The following SPOCK1 variants were observed in gnomAD, a reference collection of about 807,000 sequenced individuals.
The protein encoded by SPOCK1 is SPARC (osteonectin), cwcv and kazal like domains proteoglycan 1.
Under a neutral mutation model 55.3 loss-of-function variants are expected in SPOCK1, and 23 were observed. The ratio of observed to expected loss-of-function variants is 0.42; its 90% CI spans 0.30 to 0.59. The LOEUF (loss-of-function observed/expected upper bound fraction) is 0.59, where lower values mean the gene tolerates loss of function less well. Among genes scored for constraint, SPOCK1 ranks in the 20% least tolerant of loss-of-function variants. The pLI is 0.22. For synonymous variants in SPOCK1, 226 were observed against 221.0 expected (o/e 1.02, Z -0.20); for missense variants, 499 against 552.5 (o/e 0.90, Z 0.97).
At chr5:136,982,734 G>A (rs969468715) in intron 9 of SPOCK1, among the ~76,000 whole-genome samples, 3 of 151,904 alleles carry the variant, frequency 2.0e-5, no homozygotes, top group Non-Finnish European at 2.9e-5. Flanking sequence ...TAGCAGAATT[G>A]TCATTTCTTT....
intron 6 of SPOCK1, among the ~76,000 whole-genome samples, chr5:137,035,139 G>A (rs186203540): frequency 5.1e-4 from 78 of 152,310 alleles, no homozygotes; most frequent in Admixed American, 2.0e-3. Context: ...ATTTAAATCA[G>A]GCCAAATTAG....
chr5:137,024,608 GT>G (rs967580619), intron 6 of SPOCK1, among the ~76,000 whole-genome samples: 1 of 137,696 alleles, frequency 7.3e-6, no homozygotes, highest in African/African-American at 2.7e-5. Flanking sequence ...CATCTGACAT[GT>G]AAAAAAAAAA....
At position 137,087,569 on chromosome 5, in the gene SPOCK1, A is replaced by G. The variant is rs1009211169; in HGVS notation, c.475-19740T>C. On this transcript the variant is annotated intron_variant, in intron 5 of 10. Transcript: ENST00000394945. The stretch of plus-strand genomic sequence containing the variant: ...GTCTCTCACTCTCAAAAATCCTGCA[A>G]CCTGGGGCCTCTGCATGGCAGGGAG... Among the ~76,000 whole-genome samples, 4 of 152,152 alleles carry G rather than the reference A, an allele frequency of 2.6e-5. No homozygotes were observed. In the East Asian group the frequency reaches 5.8e-4, roughly 22 times the overall value.
intron 3 of SPOCK1, among the ~76,000 whole-genome samples, chr5:137,262,710 C>G (rs1756770156): frequency 6.6e-6 from 1 of 152,134 alleles, no homozygotes; most frequent in African/African-American, 2.4e-5. Flanking sequence ...AGTACGATGC[C>G]CCAACACTAG....
chr5:137,360,432 T>C lies in SPOCK1; in HGVS notation c.187-93377A>G, dbSNP rs1750916530. Among the ~76,000 whole-genome samples, 3 of 152,208 alleles carry C rather than the reference T, an allele frequency of 2.0e-5. No homozygotes were observed. The South Asian group carries it at 6.2e-4, about 31-fold the overall frequency. ...GACAGGATCCGGGATCTCACAACAG[T>C]GCTGCTGAACCTTCAAAAGGCAAGA... On this transcript the variant is annotated intron_variant, in intron 2 of 10. Transcript: ENST00000394945.
intron 2 of SPOCK1, among the ~76,000 whole-genome samples, chr5:137,443,104 A>G (rs1468305088): frequency 2.6e-5 from 4 of 151,048 alleles, no homozygotes; most frequent in South Asian, 2.1e-4. Context: ...GGCTTTGGGG[A>G]AAAAGAAAAC....
chr5:137,160,670 A>C, intron 3 of SPOCK1, among the ~76,000 whole-genome samples: 1 of 114,814 alleles, frequency 8.7e-6, no homozygotes, highest in African/African-American at 3.3e-5. Flanking sequence ...AATATATAAT[A>C]TATAATATAT....
At chr5:137,003,917 A>C (rs1751194105) in intron 6 of SPOCK1, among the ~76,000 whole-genome samples, 1 of 152,176 alleles carries the variant, frequency 6.6e-6, no homozygotes, top group Non-Finnish European at 1.5e-5. Context: ...GGAGGAGAAC[A>C]CTGGTACACT....
At chr5:137,096,006 C>T (rs906501532) in intron 5 of SPOCK1, among the ~76,000 whole-genome samples, 8 of 152,106 alleles carry the variant, frequency 5.3e-5, no homozygotes, top group Non-Finnish European at 1.0e-4. Flanking sequence ...AGGAGGGAGC[C>T]TCCCTCATTG....
chr5:137,213,043 T>A (rs1410819577), intron 3 of SPOCK1, among the ~76,000 whole-genome samples: 2 of 152,076 alleles, frequency 1.3e-5, no homozygotes, highest in African/African-American at 4.8e-5. Flanking sequence ...TCACTGTGGA[T>A]CCTTTCAGGA....
intron 3 of SPOCK1, among the ~76,000 whole-genome samples, chr5:137,164,310 C>G (rs970680105): frequency 3.3e-5 from 5 of 152,120 alleles, no homozygotes; most frequent in Non-Finnish European, 5.9e-5. Context: ...CAGGCTGTAG[C>G]TCTTGGACGA....
chr5:137,445,521 A>C (rs995866205), intron 2 of SPOCK1, among the ~76,000 whole-genome samples: 1 of 152,210 alleles, frequency 6.6e-6, no homozygotes, highest in Admixed American at 6.5e-5. Flanking sequence ...AAGGTCCCTG[A>C]AGAGTATCAT....
intron 3 of SPOCK1, among the ~76,000 whole-genome samples, chr5:137,161,310 A>G (rs940325288): frequency 1.3e-5 from 2 of 151,712 alleles, no homozygotes; most frequent in Non-Finnish European, 2.9e-5. Flanking sequence ...ATATATATAT[A>G]TGGGATATGG....
chr5:137,044,112 C>A (rs948801652), intron 6 of SPOCK1, among the ~76,000 whole-genome samples: 1 of 152,060 alleles, frequency 6.6e-6, no homozygotes, highest in Non-Finnish European at 1.5e-5. Flanking sequence ...TTATTGGACA[C>A]CAGTTGCTGA....
chr5:136,997,684 C>T (rs1241011721), intron 6 of SPOCK1, among the ~76,000 whole-genome samples: 2 of 152,220 alleles, frequency 1.3e-5, no homozygotes, highest in African/African-American at 2.4e-5. Context: ...CACTGCCTTG[C>T]TAATGCCAAT....
chr5:137,231,420 TG>T (rs1437875297), intron 3 of SPOCK1, among the ~76,000 whole-genome samples: 30 of 152,216 alleles, frequency 2.0e-4, no homozygotes, highest in Admixed American at 1.9e-3. Context: ...CCCTAACCCC[TG>T]GCAACTATCA....
intron 3 of SPOCK1, among the ~76,000 whole-genome samples, chr5:137,250,910 A>G (rs1756512045): frequency 6.6e-6 from 1 of 152,202 alleles, no homozygotes; most frequent in Non-Finnish European, 1.5e-5. Flanking sequence ...CAACACTCCT[A>G]TTCTACAGAC....
intron 3 of SPOCK1, among the ~76,000 whole-genome samples, chr5:137,217,168 GA>G (rs766514533): frequency 6.6e-6 from 1 of 152,158 alleles, no homozygotes; most frequent in African/African-American, 2.4e-5. Flanking sequence ...TCATGTACTG[GA>G]GTCTCTTTTC....
At chr5:137,037,269 C>A (rs558607511) in intron 6 of SPOCK1, among the ~76,000 whole-genome samples, 1 of 151,226 alleles carries the variant, frequency 6.6e-6, no homozygotes, top group Non-Finnish European at 1.5e-5. Context: ...TCTTACTAGA[C>A]GGGAATAGGT....
Sources: allele counts gnomAD v4.1 joint callset (sites outside exome capture counted in the v4.1 genomes callset), GRCh38; gene constraint gnomAD v4.1.1; transcripts MANE v1.5; gene names NCBI Gene and HGNC (gene_info 2026-07-23, HGNC 2026-07-21).